TBCD: variants seen among roughly 807,000 people sequenced by gnomAD.
TBCD encodes tubulin folding cofactor D.
TBCD carries 105 observed loss-of-function variants against 169.3 expected under a neutral mutation model. The ratio of observed to expected loss-of-function variants is 0.62; its 90% CI spans 0.53 to 0.73. TBCD has a LOEUF of 0.73. Ranked by LOEUF, TBCD falls within the 30% of genes least tolerant of loss-of-function variation. TBCD has a pLI of 0.00. For synonymous variants in TBCD, 700 were observed against 643.9 expected (o/e 1.09, Z -1.32); for missense variants, 1,444 against 1,600.1 (o/e 0.90, Z 1.66).
intron 14 of TBCD, among the ~76,000 whole-genome samples, chr17:82,872,842 A>G (rs2057683164): frequency 6.6e-6 from 1 of 151,866 alleles, no homozygotes. Context: ...AGCCAGGCCC[A>G]TCACCTGGTG....
intron 14 of TBCD, among the ~76,000 whole-genome samples, chr17:82,872,485 C>T (rs1021727224): frequency 6.6e-6 from 1 of 152,226 alleles, no homozygotes; most frequent in African/African-American, 2.4e-5. Flanking sequence ...TGCCGAGCTC[C>T]TGAGGCCCTG....
rs909253518 is a variant in TBCD at position 82,782,387 on chromosome 17, G to A, written c.771+666G>A. Among the ~76,000 whole-genome samples, 2 of 152,220 alleles carry A rather than the reference G, an allele frequency of 1.3e-5. No individual in the cohort carries two copies. Among genetic ancestry groups the A allele is most frequent in the Non-Finnish European group, 2.9e-5 (2 of 68,028 alleles). ...AGCCGGCTGTGGCCTTTGGCGTGGT[G>A]GGTTCAGCGCCTTCTTCTCTCTTTA... On this transcript the variant is annotated intron_variant, in intron 7 of 38. Transcript: ENST00000355528. This position sits in a 1 kb window ranked among gnomAD's most constrained non-coding sequence, Gnocchi z 5.1.
intron 33 of TBCD, among the ~76,000 whole-genome samples, chr17:82,931,161 C>A (rs1027712077): frequency 2.6e-5 from 4 of 152,214 alleles, no homozygotes; most frequent in African/African-American, 9.7e-5. Flanking sequence ...AGGGTTGTTC[C>A]CAGCATGTGC....
chr17:82,766,156 CTT>C, intron 3 of TBCD, 109 bp from the exon 4 acceptor site: 1 of 826,778 alleles, frequency 1.2e-6, no homozygotes. Context: ...ACAGAATTCT[CTT>C]TGATCAGTGG....
rs1233209570 is a variant in TBCD, at chr17:82,833,690, G to C, written c.1318+18756G>C. 6.6e-6 allele frequency among the ~76,000 whole-genome samples: 1 copy of C among 152,184 alleles called. No homozygotes were observed. Among genetic ancestry groups the C allele is most frequent in the African/African-American group, 2.4e-5 (1 of 41,448 alleles). ...AGCTTTGCCACACTCCTGCCCGAGA[G>C]GAGACCAGAGTGAGTAGTATCCGCT... On this transcript the variant is annotated intron_variant, in intron 13 of 38. Coordinates refer to ENST00000355528, the MANE Select transcript of TBCD (RefSeq NM_005993.5). This position sits in a 1 kb window ranked among gnomAD's most constrained non-coding sequence, Gnocchi z 4.7.
intron 13 of TBCD, 27 bp from the exon 14 acceptor site, chr17:82,870,197 A>G: frequency 6.2e-7 from 1 of 1,611,672 alleles, no homozygotes; most frequent in Non-Finnish European, 8.5e-7. Context: ...TCTGCTCCTC[A>G]CCGTCTTTTC....
intron 11 of TBCD, among the ~76,000 whole-genome samples, chr17:82,809,497 C>T (rs966398796): frequency 1.3e-5 from 2 of 152,184 alleles, no homozygotes; most frequent in Non-Finnish European, 2.9e-5. Flanking sequence ...TGTGCTCACT[C>T]GTCCCCTTTG....
chr17:82,891,711 T>C (rs934529838), intron 16 of TBCD, among the ~76,000 whole-genome samples: 6 of 141,736 alleles, frequency 4.2e-5, no homozygotes, highest in African/African-American at 1.3e-4. Context: ...TGGAGGCCGC[T>C]GGGTAACAGC....
chr17:82,778,319 G>C (rs2048729527), intron 6 of TBCD, among the ~76,000 whole-genome samples: 1 of 152,052 alleles, frequency 6.6e-6, no homozygotes, highest in Admixed American at 6.5e-5. Flanking sequence ...TGCTCTGTGG[G>C]AACTCTGTGC....
intron 37 of TBCD, among the ~76,000 whole-genome samples, chr17:82,940,152 G>A (rs888025340): frequency 1.3e-5 from 2 of 151,996 alleles, no homozygotes; most frequent in Non-Finnish European, 2.9e-5. Context: ...GGGAACAGCA[G>A]TGATGGTGTC....
chr17:82,839,450 C>T (rs2054275254), intron 13 of TBCD, among the ~76,000 whole-genome samples: 4 of 151,360 alleles, frequency 2.6e-5, no homozygotes, highest in Admixed American at 2.6e-4. Flanking sequence ...ATATATAACC[C>T]TAAATTCAGC....
chr17:82,935,574 G>A (rs2062555576), intron 34 of TBCD, among the ~76,000 whole-genome samples: 1 of 142,790 alleles, frequency 7.0e-6, no homozygotes, highest in Non-Finnish European at 1.5e-5. Context: ...ACTTTTTTCT[G>A]TTAACGCTTA....
At chr17:82,783,770 T>C (rs905228723) in intron 7 of TBCD, among the ~76,000 whole-genome samples, 1 of 152,184 alleles carries the variant, frequency 6.6e-6, no homozygotes, top group Admixed American at 6.5e-5. Context: ...AGTGTGTGGG[T>C]ATTTTCTGCT....
Position 82,920,606 on chromosome 17 carries a change from G to A in TBCD, c.2089G>A (p.Asp697Asn). 1.3e-6 allele frequency: 2 copies of A among 1,550,568 alleles called. No homozygotes were observed. The highest frequency in any genetic ancestry group is 1.7e-6 in the Non-Finnish European group (2 of 1,147,504). Residue 697 changes from aspartate to asparagine, a missense_variant, in exon 24 of 39, where the codon GAC becomes AAC. Transcript: ENST00000355528. This position sits in a 1 kb window ranked among gnomAD's most constrained non-coding sequence, Gnocchi z 4.1. ...LSLSKMPFRG[D>N]TVIDGWQWLI... ...ACTTTCCAAAATGCCCTTTAGAGGT[G>A]ACACCGTAATTGGTAAGTGCTTTTG... is the stretch of plus-strand genomic sequence containing the variant.
At chr17:82,786,811 C>T (rs1032661102) in intron 7 of TBCD, among the ~76,000 whole-genome samples, 17 of 131,958 alleles carry the variant, frequency 1.3e-4, no homozygotes, top group African/African-American at 3.2e-4. Context: ...GTTGTGGGTT[C>T]GGTTCTTTAC....
chr17:82,875,428 G>C (rs1291427916), intron 14 of TBCD, among the ~76,000 whole-genome samples: 2 of 152,130 alleles, frequency 1.3e-5, no homozygotes, highest in Admixed American at 6.6e-5. Context: ...AAAGAAAGCC[G>C]AGCCCTACGC....
rs1395649309 is a variant in TBCD, at chr17:82,900,691, A to G, written c.1690A>G (p.Ile564Val). 1 of 1,614,006 alleles carries G rather than the reference A, an allele frequency of 6.2e-7. No homozygotes were observed. The highest frequency in any genetic ancestry group is 8.5e-7 in the Non-Finnish European group (1 of 1,179,900). Residue 564 changes from isoleucine (I) to valine (V), a missense_variant, in exon 18 of 39, where the codon ATA (isoleucine) becomes GTA (valine). By Grantham distance (29) the Ile-to-Val change is conservative (BLOSUM62 3). Transcript: ENST00000355528. ...CTTTCCTGAGTACACGCAGCCAATG[A>G]TAGACCACCTGGTTACCATGAAGAT... is the stretch of plus-strand genomic sequence containing the variant. ...AGFPEYTQPM[I>V]DHLVTMKISH...
At chr17:82,907,245 TC>T (rs2060314332) in intron 20 of TBCD, among the ~76,000 whole-genome samples, 1 of 152,218 alleles carries the variant, frequency 6.6e-6, no homozygotes, top group African/African-American at 2.4e-5. Context: ...CCAGGGACCT[TC>T]CCTTGGATGT....
At chr17:82,755,003 A>T (rs890010213) in intron 1 of TBCD, among the ~76,000 whole-genome samples, 3 of 152,234 alleles carry the variant, frequency 2.0e-5, no homozygotes, top group Non-Finnish European at 4.4e-5. Flanking sequence ...TCCCCAAGGA[A>T]GTCGGGCTAC....
Sources: allele counts gnomAD v4.1 joint callset (sites outside exome capture counted in the v4.1 genomes callset), GRCh38; gene constraint gnomAD v4.1.1; non-coding constraint Gnocchi (gnomAD v3.1); transcripts MANE v1.5; gene names NCBI Gene and HGNC (gene_info 2026-07-23, HGNC 2026-07-21).